ATP10B: variants seen among roughly 807,000 people sequenced by gnomAD.
ATP10B encodes phospholipid-transporting ATPase VB.
A neutral mutation model predicts 141.2 loss-of-function variants in ATP10B; 122 were observed. That is an observed-to-expected ratio of 0.86 (90% CI 0.75 to 1.00). The LOEUF is 1.00. Among genes scored for constraint, ATP10B ranks in the 50% least tolerant of loss-of-function variants. The probability of loss-of-function intolerance (pLI) is 0.00; values close to 1 mark genes in which losing one functional copy is unlikely to be tolerated. For missense variants in ATP10B, 1,876 were observed against 1,825.3 expected, an observed-to-expected ratio of 1.03 and a Z score of -0.51; for synonymous variants, 685 against 692.0, an observed-to-expected ratio of 0.99 and a Z score of 0.16.
chr5:160,833,647 A>G (rs1424291966), intron 1 of ATP10B, among the ~76,000 whole-genome samples: 2 of 152,172 alleles, frequency 1.3e-5, no homozygotes, highest in African/African-American at 4.8e-5. Context: ...GACAAATATT[A>G]TAAAATAACT....
chr5:160,615,620 C>T lies in ATP10B; in HGVS notation c.2653+218G>A, dbSNP rs75796443. ...AGCCAAACTCAGAGGCTTCTTCCAG[C>T]AGGGAATGCAGGAATGCTCCCAGAG... On this transcript the variant is annotated intron_variant, in intron 17 of 25. Transcript: ENST00000327245. Among the ~76,000 whole-genome samples, 1,458 of 151,956 alleles carry T rather than the reference C, an allele frequency of 9.6e-3. 24 individuals carry two copies. The highest frequency in any genetic ancestry group is 0.033 in the African/African-American group (1,355 of 41,392).
chr5:160,880,991 A>C, the ATP10B span, among the ~76,000 whole-genome samples: 1 of 152,216 alleles, frequency 6.6e-6, no homozygotes, highest in East Asian at 1.9e-4. Context: ...ACATCAAGAG[A>C]ATGAGAAGAC....
the ATP10B span, among the ~76,000 whole-genome samples, chr5:160,910,094 C>G: frequency 6.6e-6 from 1 of 152,074 alleles, no homozygotes; most frequent in Admixed American, 6.6e-5. Context: ...TCTCCTTATC[C>G]CGCCCCTCCC....
Position 160,565,303 on chromosome 5 carries a change from G to C in ATP10B, c.*150C>G. ...TCCCGTCTTTGTGTCAGACCCCTTG[G>C]GGCCAGCACTTCCTCCATGGAAGTC... On this transcript the variant is annotated 3_prime_UTR_variant, in exon 26 of 26. Transcript: ENST00000327245. 1.3e-6 allele frequency: 1 copy of C among 794,522 alleles called. No individual in the cohort carries two copies. The highest frequency in any genetic ancestry group is 1.9e-5 in the South Asian group (1 of 53,794). 49.2% of individuals were successfully genotyped at this position (794,522 alleles called of 1,614,324 possible).
chr5:160,910,076 C>T, the ATP10B span, among the ~76,000 whole-genome samples: 1 of 152,106 alleles, frequency 6.6e-6, no homozygotes, highest in Non-Finnish European at 1.5e-5. Context: ...CAGGTCTCTG[C>T]TCATTTCTCT....
chr5:160,849,454 A>G (rs1395641519), intron 1 of ATP10B, among the ~76,000 whole-genome samples: 4 of 152,188 alleles, frequency 2.6e-5, no homozygotes, highest in African/African-American at 9.7e-5. Context: ...TAATAACGAA[A>G]GCAGAAAATG....
intron 1 of ATP10B, among the ~76,000 whole-genome samples, chr5:160,793,293 C>T (rs1481361283): frequency 1.3e-5 from 2 of 151,774 alleles, no homozygotes; most frequent in Non-Finnish European, 2.9e-5. Context: ...CAATAAAATG[C>T]CTTGTGTCTG....
At chr5:160,899,498 A>G in the ATP10B span, among the ~76,000 whole-genome samples, 2 of 152,136 alleles carry the variant, frequency 1.3e-5, no homozygotes, top group East Asian at 3.9e-4. Flanking sequence ...GGGTATGTCT[A>G]AGTTACAAAT....
chr5:160,855,853 C>T (rs760895065), upstream of ATP10B, among the ~76,000 whole-genome samples: 1 of 151,628 alleles, frequency 6.6e-6, no homozygotes, highest in Non-Finnish European at 1.5e-5. Flanking sequence ...GACTGTCCTT[C>T]CTCCATTGAA....
intron 1 of ATP10B, among the ~76,000 whole-genome samples, chr5:160,849,492 T>G (rs1753662389): frequency 6.6e-6 from 1 of 152,164 alleles, no homozygotes; most frequent in African/African-American, 2.4e-5. Flanking sequence ...TCCAGACGTT[T>G]AAGACAGTAC....
In ATP10B at chr5:160,814,142, T is replaced by C. The variant is rs142147513; in HGVS notation, c.-575-28339A>G. ...AACAAAGCTGGAAGGAGAATGACTT[T>C]GACAAGTTGAGAGAAGAAGTCTTCA... On this transcript the variant is annotated intron_variant, in intron 1 of 25. Transcript: ENST00000327245. 7.0e-3 allele frequency among the ~76,000 whole-genome samples: 1,063 copies of C among 152,238 alleles called. 17 individuals are homozygous for C. The highest frequency in any genetic ancestry group is 0.024 in the African/African-American group (1,002 of 41,542).
chr5:160,850,006 A>G (rs1323848082), intron 1 of ATP10B, among the ~76,000 whole-genome samples: 5 of 152,336 alleles, frequency 3.3e-5, no homozygotes, highest in Admixed American at 6.5e-5. Context: ...GTAAATGGGT[A>G]GAATCAGTCT....
chr5:160,856,470 CCTTT>C (rs1233116736), upstream of ATP10B, among the ~76,000 whole-genome samples: 5 of 151,770 alleles, frequency 3.3e-5, no homozygotes, highest in Admixed American at 6.6e-5. Flanking sequence ...ATTATTTCTT[CCTTT>C]CTAATATGTA....
At chr5:160,797,389 C>T (rs190576897) in intron 1 of ATP10B, among the ~76,000 whole-genome samples, 5 of 152,320 alleles carry the variant, frequency 3.3e-5, no homozygotes, top group African/African-American at 4.8e-5. Context: ...CTCCCGAGAC[C>T]ACTAGCTTTG....
the ATP10B span, among the ~76,000 whole-genome samples, chr5:160,919,426 CA>C: frequency 6.6e-6 from 1 of 151,944 alleles, no homozygotes; most frequent in African/African-American, 2.4e-5. Flanking sequence ...GTACTCAATC[CA>C]GTGGGAAGGA....
At position 160,602,673 on chromosome 5, in the gene ATP10B, G is replaced by T. The variant is rs200114060; in HGVS notation, c.3267C>A (p.Thr1089=). 5.0e-6 allele frequency: 8 copies of T among 1,614,048 alleles called. No individual in the cohort carries two copies. Among genetic ancestry groups the T allele is most frequent in the Non-Finnish European group, 5.9e-6 (7 of 1,179,922 alleles). ...QAVMSSDFAI[T]RFKHLKKLLL... ...GCAACTTCTTGAGATGCTTAAAGCG[G>T]GTGATGGCAAAGTCGCTGGACATGA... is the stretch of plus-strand genomic sequence containing the variant. The change falls in exon 21 of 26, where the codon ACC becomes ACA. Residue 1089 remains threonine, a synonymous_variant. Transcript: ENST00000327245.
At chr5:160,650,534 A>G (rs1004397510) in intron 7 of ATP10B, among the ~76,000 whole-genome samples, 1 of 152,180 alleles carries the variant, frequency 6.6e-6, no homozygotes, top group Non-Finnish European at 1.5e-5. Flanking sequence ...GGCCTCCACA[A>G]ACAAGTTTAA....
At chr5:160,685,337 C>G in intron 6 of ATP10B, 1 of 576,076 alleles carries the variant, frequency 1.7e-6, no homozygotes, top group South Asian at 2.3e-5. Context: ...AAAAGCCAGG[C>G]TGCAAACCCC....
intron 7 of ATP10B, among the ~76,000 whole-genome samples, chr5:160,655,608 A>G (rs1322481834): frequency 1.3e-5 from 2 of 152,110 alleles, no homozygotes; most frequent in Non-Finnish European, 2.9e-5. Context: ...GTAAAGGCTG[A>G]CTCATGCCGT....
Sources: allele counts gnomAD v4.1 joint callset (sites outside exome capture counted in the v4.1 genomes callset), GRCh38; gene constraint gnomAD v4.1.1; transcripts MANE v1.5; gene names NCBI Gene and HGNC (gene_info 2026-07-23, HGNC 2026-07-21).